Variants in AFF3 observed in about 807,000 individuals in gnomAD.
AFF3 encodes ALF transcription elongation factor 3, also known as AF4/FMR2 family member 3.
Under a neutral mutation model 129.7 loss-of-function variants are expected in AFF3, and 32 were observed. That is an observed-to-expected ratio of 0.25 (90% CI 0.19 to 0.33). AFF3 has a LOEUF of 0.33. AFF3 is among the 10% of genes least tolerant of loss of function. The pLI is 1.00. For missense variants in AFF3, 1,373 were observed against 1,592.0 expected (o/e 0.86, Z 2.34); for synonymous variants, 644 against 635.4 (o/e 1.01, Z -0.20).
chr2:99,593,038 T>C (rs1246636403), intron 15 of AFF3, among the ~76,000 whole-genome samples, 157 bp downstream of exon 15: 2 of 147,990 alleles, frequency 1.4e-5, no homozygotes, highest in Non-Finnish European at 3.0e-5. Flanking sequence ...ATATAGAAAG[T>C]ACCCTAGAAG....
chr2:99,866,403 T>C (rs1238814363), intron 7 of AFF3, among the ~76,000 whole-genome samples: 2 of 152,166 alleles, frequency 1.3e-5, no homozygotes, highest in Non-Finnish European at 2.9e-5. Flanking sequence ...AGCCCAGCCA[T>C]GCACTGCAGA....
chr2:99,979,240 C>T (rs563101202), intron 7 of AFF3, among the ~76,000 whole-genome samples: 3 of 152,122 alleles, frequency 2.0e-5, no homozygotes, highest in Non-Finnish European at 4.4e-5. Flanking sequence ...CTGAACTCCA[C>T]TGCTTTTTTT....
intron 11 of AFF3, among the ~76,000 whole-genome samples, chr2:99,704,921 G>C (rs1033895720): frequency 4.6e-5 from 7 of 152,154 alleles, no homozygotes; most frequent in African/African-American, 1.7e-4. Flanking sequence ...TAGAGATCTC[G>C]ATCTGGGAGG....
intron 7 of AFF3, among the ~76,000 whole-genome samples, chr2:99,897,062 T>C (rs1694025220): frequency 6.6e-6 from 1 of 152,202 alleles, no homozygotes; most frequent in African/African-American, 2.4e-5. Flanking sequence ...ATTTTTTTAA[T>C]TGTATTGTGA....
In AFF3 at chr2:99,578,454, A is replaced by G. The variant is rs1677203534; in HGVS notation, c.2794-3T>C. ...TCAGAATTGTTGTGAGCTGCTTTCT[A>G]AACAACAAACAACACACATCTTTGA... On this transcript the variant is annotated splice_polypyrimidine_tract_variant and splice_region_variant and intron_variant, in intron 17 of 24. Coordinates refer to ENST00000672756, the MANE Select transcript of AFF3 (RefSeq NM_001386135.1). The G allele has an allele frequency of 1.9e-6, 3 of 1,609,554 alleles. No homozygotes were observed. Among genetic ancestry groups the G allele is most frequent in the Middle Eastern group, 3.3e-4 (2 of 6,056 alleles).
chr2:99,731,884 T>A (rs1189069649), intron 10 of AFF3, among the ~76,000 whole-genome samples: 1 of 152,210 alleles, frequency 6.6e-6, no homozygotes, highest in African/African-American at 2.4e-5. Flanking sequence ...AAAATACTGT[T>A]AAATAGAGCA....
chr2:99,907,724 C>T (rs574748647), intron 7 of AFF3, among the ~76,000 whole-genome samples: 3 of 152,118 alleles, frequency 2.0e-5, no homozygotes, highest in Non-Finnish European at 2.9e-5. Flanking sequence ...CTGCAACCTC[C>T]GCCTCCCAGG....
chr2:99,780,632 C>T (rs1380480482), intron 8 of AFF3, among the ~76,000 whole-genome samples: 1 of 152,202 alleles, frequency 6.6e-6, no homozygotes, highest in African/African-American at 2.4e-5. Context: ...ACTCAACTCT[C>T]GAGTTCCACC....
At chr2:99,583,710 G>T (rs1468276810) in intron 16 of AFF3, among the ~76,000 whole-genome samples, 1 of 144,748 alleles carries the variant, frequency 6.9e-6, no homozygotes, top group Non-Finnish European at 1.5e-5. Context: ...TTATTTTTTT[G>T]AGATGGAGTT....
intron 7 of AFF3, among the ~76,000 whole-genome samples, chr2:100,004,848 C>T (rs1364127765): frequency 6.6e-6 from 1 of 151,444 alleles, no homozygotes; most frequent in African/African-American, 2.4e-5. Flanking sequence ...AAACACTGCA[C>T]CCCCCTTCAC....
At position 99,546,978 on chromosome 2, in the gene AFF3, G is replaced by A. The variant is rs1469092148; in HGVS notation, c.*4496C>T. The A allele has an allele frequency of 1.4e-5, 3 of 221,028 alleles. No homozygotes were observed. Among genetic ancestry groups the A allele is most frequent in the African/African-American group, 2.2e-5 (1 of 44,618 alleles). The allele number at this position is 221,028 out of a possible 1,614,324, so 13.7% of individuals were successfully genotyped here. The stretch of plus-strand genomic sequence containing the variant: ...TGCATGCATGTGCGCGCGTGTGTGC[G>A]TATGTGTATGTATCAGGAAATAGCA... On this transcript the variant is annotated 3_prime_UTR_variant, in exon 25 of 25. Transcript: ENST00000672756.
rs576695406 is a variant in AFF3 at position 99,599,915 on chromosome 2, A to AT, written c.1371+1519dup. ...ATGTCAGCTCTATGAAGATAGGGAC[A>AT]TTTTTTGTCATATAATTGTGTATTC... On this transcript the variant is annotated intron_variant, in intron 14 of 24. Transcript: ENST00000672756. Among the ~76,000 whole-genome samples, 117 of 152,268 alleles carry AT rather than the reference A, an allele frequency of 7.7e-4. 2 individuals are homozygous for AT. Among genetic ancestry groups the AT allele is most frequent in the East Asian group, 3.7e-3 (19 of 5,190 alleles).
intron 4 of AFF3, among the ~76,000 whole-genome samples, chr2:100,028,328 T>C (rs1344863314): frequency 6.6e-6 from 1 of 152,176 alleles, no homozygotes; most frequent in Admixed American, 6.5e-5. Flanking sequence ...CTGTCAGAAA[T>C]GCTCAGATTT....
rs565457000 is a variant in AFF3, at chr2:100,022,255, G to T, written c.54-13323C>A. ...TACAAATATTTTACTTGATTCCCTA[G>T]AACATTAGGAATGTTATATATCATG... On this transcript the variant is annotated intron_variant, in intron 4 of 24. Transcript: ENST00000672756. 3.4e-4 allele frequency among the ~76,000 whole-genome samples: 51 copies of T among 152,228 alleles called. No homozygotes were observed. In the South Asian group the frequency reaches 0.011, roughly 32 times the overall value.
At chr2:99,671,940 G>T (rs571795867) in intron 12 of AFF3, among the ~76,000 whole-genome samples, 160 of 152,132 alleles carry the variant, frequency 1.1e-3, no homozygotes, top group African/African-American at 3.7e-3. Context: ...CTGATGTCTC[G>T]AGCTGATAAA....
intron 8 of AFF3, among the ~76,000 whole-genome samples, chr2:99,812,558 T>G (rs187224143): frequency 5.4e-4 from 83 of 152,302 alleles, no homozygotes; most frequent in Middle Eastern, 3.4e-3. Flanking sequence ...AACATGGTCG[T>G]TGGTATCATA....
intron 4 of AFF3, among the ~76,000 whole-genome samples, chr2:100,093,788 G>A (rs924503926): frequency 1.3e-5 from 2 of 152,090 alleles, no homozygotes; most frequent in East Asian, 1.9e-4. Flanking sequence ...ACAATATGCC[G>A]CCGCACGTGA....
intron 4 of AFF3, among the ~76,000 whole-genome samples, chr2:100,104,113 T>C (rs1162016835): frequency 1.3e-5 from 2 of 151,844 alleles, no homozygotes; most frequent in Non-Finnish European, 1.5e-5. Flanking sequence ...AATCGCTTCT[T>C]TTCCTCCCCA....
intron 7 of AFF3, among the ~76,000 whole-genome samples, chr2:99,940,283 C>T (rs1226715697): frequency 6.6e-6 from 1 of 152,196 alleles, no homozygotes; most frequent in African/African-American, 2.4e-5. Context: ...TATTCCAGTT[C>T]TCCATTTTAT....
Sources: allele counts gnomAD v4.1 joint callset (sites outside exome capture counted in the v4.1 genomes callset), GRCh38; gene constraint gnomAD v4.1.1; transcripts MANE v1.5; gene names NCBI Gene and HGNC (gene_info 2026-07-23, HGNC 2026-07-21).